PLXNA3: variants seen among roughly 807,000 people sequenced by gnomAD.
PLXNA3 encodes plexin A3, also known as plexin-A3.
In PLXNA3, 52 loss-of-function variants were observed where a neutral mutation model predicts 118.8. That is an observed-to-expected ratio of 0.44 (90% CI 0.35 to 0.55). The LOEUF (loss-of-function observed/expected upper bound fraction) is 0.55. PLXNA3 is among the 20% of genes least tolerant of loss of function. The pLI is 0.01. For synonymous variants in PLXNA3, 925 were observed against 762.4 expected, an observed-to-expected ratio of 1.21 and a Z score of -3.51; for missense variants, 1,660 against 1,730.8, an observed-to-expected ratio of 0.96 and a Z score of 0.73.
chrX:154,463,789 C>T, intron 6 of PLXNA3, 99 bp downstream of exon 6: 1 of 963,744 alleles, frequency 1.0e-6, no homozygotes, highest in Non-Finnish European at 1.4e-6. Context: ...CCCCGCCCTC[C>T]TCCACTTTCT....
In PLXNA3 at chrX:154,463,444, G is replaced by A. The variant is rs782714214; in HGVS notation, c.1371G>A (p.Val457=). Residue 457 remains valine (V), a synonymous_variant, in exon 5 of 33, where the codon GTG becomes GTA. Coordinates refer to ENST00000369682, the MANE Select transcript of PLXNA3 (RefSeq NM_017514.5). ...ACCTGTATGAGACAGTCCCCGTGGT[G>A]GATGGCAGCCCCATCCTCCGAGACC... ...DAHLYETVPV[V]DGSPILRDLL... 38 of 1,206,958 alleles carry A rather than the reference G, an allele frequency of 3.1e-5. No homozygotes were observed. The highest frequency in any genetic ancestry group is 2.2e-6 in the Non-Finnish European group (2 of 894,099).
At position 154,472,795 on chromosome X, in the gene PLXNA3, G is replaced by T; in HGVS notation, c.*110G>T. ...CGGGCTGAGCCCTGGATTGGGTATC[G>T]TGGGGCAGGTCACCCTGGCCACGAT... On this transcript the variant is annotated 3_prime_UTR_variant, in exon 33 of 33. Transcript: ENST00000369682. 1.8e-6 allele frequency: 1 copy of T among 557,190 alleles called. No homozygotes were observed. Among genetic ancestry groups the T allele is most frequent in the Non-Finnish European group, 3.1e-6 (1 of 320,600 alleles). The allele number at this position is 557,190 out of a possible 1,213,427, so 45.9% of individuals were successfully genotyped here.
rs903307680 is a variant in PLXNA3, at chrX:154,472,675, G to A, written c.5606G>A (p.Ser1869Asn). Residue 1869 changes from serine (S) to asparagine (N), a missense_variant, in exon 33 of 33, where the codon AGC becomes AAC. By Grantham distance (46) the Ser-to-Asn change is conservative. Transcript: ENST00000369682. ...KLEQIISLVS[S>N]DS is the part of the protein sequence containing the mutation. ...GAACAGATCATCAGCCTCGTGTCCA[G>A]CGACAGCTAAGGTGGTGGAATCGGT... The A allele has an allele frequency of 2.5e-6, 3 of 1,191,043 alleles. No individual in the cohort carries two copies. In the African/African-American group the frequency reaches 5.3e-5, roughly 21 times the overall value.
At chrX:154,464,918 G>A (rs782617972) in intron 10 of PLXNA3, 50 bp downstream of exon 10, 4 of 1,082,803 alleles carry the variant, frequency 3.7e-6, no homozygotes, top group Non-Finnish European at 5.0e-6. Context: ...TGCGGGCGGG[G>A]CCACCGGCTT....
chrX:154,466,546 A>T, intron 16 of PLXNA3, 34 bp downstream of exon 16: 1 of 1,196,574 alleles, frequency 8.4e-7, no homozygotes. Flanking sequence ...TGGGTTGGGC[A>T]TCGTGTGGGG....
In PLXNA3 at chrX:154,460,171, G is replaced by A. The variant is rs782095183; in HGVS notation, c.-13G>A. The stretch of plus-strand genomic sequence containing the variant: ...TCTCTCCCTAGGCCTGTCCCCAGGC[G>A]CGGCTGCCGGCCATGCCCTCTGTCT... On this transcript the variant is annotated 5_prime_UTR_variant, in exon 2 of 33. Coordinates refer to ENST00000369682, the MANE Select transcript of PLXNA3 (RefSeq NM_017514.5). The A allele has an allele frequency of 4.8e-5, 55 of 1,148,759 alleles. No homozygotes were observed. The highest frequency in any genetic ancestry group is 1.5e-4 in the East Asian group (5 of 33,529). The allele number at this position is 1,148,759 out of a possible 1,213,427, so 94.7% of individuals were successfully genotyped here. A position where few individuals can be genotyped will look rare whatever the true frequency, so the allele number is the denominator to read the frequency against.
At chrX:154,462,534 G>T (rs781905574) in intron 4 of PLXNA3, among the ~76,000 whole-genome samples, 7 of 112,368 alleles carry the variant, frequency 6.2e-5, no homozygotes, top group Non-Finnish European at 1.1e-4. Flanking sequence ...GGACTGAATT[G>T]CCAGCTTCGT....
In PLXNA3 at chrX:154,461,610, T is replaced by C. The variant is rs782495627; in HGVS notation, c.1106T>C (p.Leu369Pro). ...GEGTLALPWLLNKELPCINTP... is the reference protein window; with the variant it reads ...GEGTLALPWLPNKELPCINTP... ...GGCACTCTGGCTCTGCCCTGGCTGCTGAACAAGGAGCTGCCCTGCATCAAC... is the reference window on the plus strand; with the variant it reads ...GGCACTCTGGCTCTGCCCTGGCTGCCGAACAAGGAGCTGCCCTGCATCAAC... The change falls in exon 3 of 33, where the codon CTG becomes CCG. Residue 369 changes from leucine to proline, a missense_variant. By Grantham distance (98) the Leu-to-Pro change is moderately conservative. Around this residue, in one of 2 missense-constraint regions of PLXNA3, gnomAD observed 791 missense variants for 652.1 expected, o/e 1.21. Transcript: ENST00000369682. 1 of 1,199,193 alleles carries C rather than the reference T, an allele frequency of 8.3e-7. No individual in the cohort carries two copies. Among genetic ancestry groups the C allele is most frequent in the Non-Finnish European group, 1.1e-6 (1 of 892,807 alleles).
rs1557208843 is a variant in PLXNA3 at position 154,470,028 on chromosome X, C to T, written c.4847C>T (p.Pro1616Leu). The T allele has an allele frequency of 8.3e-7, 1 of 1,211,467 alleles. No homozygotes were observed. Among genetic ancestry groups the T allele is most frequent in the Non-Finnish European group, 1.1e-6 (1 of 895,448 alleles). Reference sequence around the variant, plus strand: ...CCTGATAGCCTCCGCTCACGGGCACCCATGATTACGCCTGACCAGGAGACA... The same window carrying T: ...CCTGATAGCCTCCGCTCACGGGCACTCATGATTACGCCTGACCAGGAGACA... The part of the protein sequence containing the change: ...SSPDSLRSRA[P>L]MITPDQETGT... The change falls in exon 29 of 33, where the codon CCC (proline) becomes CTC (leucine). Residue 1616 changes from proline (P) to leucine (L), a missense_variant. Transcript: ENST00000369682.
At position 154,467,490 on chromosome X, in the gene PLXNA3, C is replaced by T. The variant is rs371759517; in HGVS notation, c.3441+19C>T. 15 of 389,058 alleles carry T rather than the reference C, an allele frequency of 3.9e-5. No homozygotes were observed. Among genetic ancestry groups the T allele is most frequent in the African/African-American group, 2.9e-4 (9 of 31,068 alleles). 32.1% of individuals were successfully genotyped at this position (389,058 alleles called of 1,213,427 possible). ...GCTGAAGGTGCGGGCGGGGTGGGGG[C>T]GGGGAGGGGCGGGAAAGTGGAGAGT... On this transcript the variant is annotated intron_variant, in intron 19 of 32. Transcript: ENST00000369682.
chrX:154,467,811 C>A lies in PLXNA3; in HGVS notation c.3630C>A (p.Ile1210=). Residue 1210 remains isoleucine (I), a synonymous_variant, in exon 21 of 33, where the codon ATC becomes ATA. Coordinates refer to ENST00000369682, the MANE Select transcript of PLXNA3 (RefSeq NM_017514.5). ...GLEFWLGTLH[I]SAERALTLPA... is the part of the protein sequence containing the mutation. ...AGTTCTGGCTGGGCACCCTGCACAT[C>A]TCGGCAGAGCGGGCGCTGACCCTAC... 1 of 1,203,838 alleles carries A rather than the reference C, an allele frequency of 8.3e-7. No homozygotes were observed. The highest frequency in any genetic ancestry group is 1.7e-5 in the African/African-American group (1 of 57,713).
chrX:154,464,875 C>G lies in PLXNA3; in HGVS notation c.2043+7C>G. The G allele has an allele frequency of 8.6e-7, 1 of 1,158,495 alleles. No individual in the cohort carries two copies. The highest frequency in any genetic ancestry group is 1.2e-6 in the Non-Finnish European group (1 of 855,648). ...CAGGGTCCACAGCCCTGAGGTGAGG[C>G]GGGCGCCGCATGTGAGGGGCTGGGC... On this transcript the variant is annotated splice_region_variant and intron_variant, in intron 10 of 32. Coordinates refer to ENST00000369682, the MANE Select transcript of PLXNA3 (RefSeq NM_017514.5).
Position 154,477,709 on chromosome X carries a change from C to G in PLXNA3, c.*5024C>G, listed in dbSNP as rs1286200426. The G allele has an allele frequency of 3.2e-6, 1 of 312,613 alleles. No individual in the cohort carries two copies. Among genetic ancestry groups the G allele is most frequent in the East Asian group, 5.0e-5 (1 of 20,185 alleles). 25.8% of individuals were successfully genotyped at this position (312,613 alleles called of 1,213,427 possible). ...ATATCTGAATTCTAGAACCCCCCCC[C>G]CAGCAACCCAAGCACAACAAGAATA... On this transcript the variant is annotated 3_prime_UTR_variant, in exon 33 of 33. Coordinates refer to ENST00000369682, the MANE Select transcript of PLXNA3 (RefSeq NM_017514.5).
Position 154,465,176 on chromosome X carries a change from C to G in PLXNA3, c.2202C>G (p.Ala734=). 2.5e-6 allele frequency: 3 copies of G among 1,209,987 alleles called. No homozygotes were observed. Among genetic ancestry groups the G allele is most frequent in the Non-Finnish European group, 3.4e-6 (3 of 895,199 alleles). The change falls in exon 11 of 33, where the codon GCC becomes GCG. Residue 734 remains alanine (A), a synonymous_variant. Coordinates refer to ENST00000369682, the MANE Select transcript of PLXNA3 (RefSeq NM_017514.5). ...RVQGRQQRVP[A]VRFNSSSVQC... ...AGGGGCGGCAGCAGCGGGTGCCTGCCGTGCGCTTCAACAGCAGCAGTGTGC... is the reference window on the plus strand; with the variant it reads ...AGGGGCGGCAGCAGCGGGTGCCTGCGGTGCGCTTCAACAGCAGCAGTGTGC...
chrX:154,466,372 G>A lies in PLXNA3; in HGVS notation c.2800-4G>A, dbSNP rs374032775. The A allele has an allele frequency of 1.1e-4, 133 of 1,210,361 alleles. No homozygotes were observed. The African/African-American group carries it at 1.9e-3, about 17-fold the overall frequency. On this transcript the variant is annotated splice_region_variant and splice_polypyrimidine_tract_variant and intron_variant, in intron 15 of 32. Coordinates refer to ENST00000369682, the MANE Select transcript of PLXNA3 (RefSeq NM_017514.5). ...TCCTCCCCTCAGGGCAGCTTCTCCCGCAGACCCCAACGTTTGACCAAGTGA... is the reference window on the plus strand; with the variant it reads ...TCCTCCCCTCAGGGCAGCTTCTCCCACAGACCCCAACGTTTGACCAAGTGA...
Position 154,467,782 on chromosome X carries a change from C to T in PLXNA3, c.3601C>T (p.Leu1201=). 2 of 1,201,121 alleles carry T rather than the reference C, an allele frequency of 1.7e-6. No individual in the cohort carries two copies. Among genetic ancestry groups the T allele is most frequent in the Non-Finnish European group, 2.2e-6 (2 of 892,937 alleles). Residue 1201 remains leucine, a synonymous_variant, in exon 21 of 33, where the codon CTG becomes TTG. Transcript: ENST00000369682. ...GTCCCCACAGGTGCTGGTGGGTGGC[C>T]TGGAGTTCTGGCTGGGCACCCTGCA... is the stretch of plus-strand genomic sequence containing the variant. ...RQPVMVLVGG[L]EFWLGTLHIS... is the part of the protein sequence containing the mutation.
In PLXNA3 at chrX:154,470,576, C is replaced by T. The variant is rs144757857; in HGVS notation, c.5121C>T (p.Ser1707=). 2,740 of 1,210,308 alleles carry T rather than the reference C, an allele frequency of 2.3e-3. 9 individuals are homozygous for T. The highest frequency in any genetic ancestry group is 2.7e-3 in the Non-Finnish European group (2,417 of 895,041). ...AGCAGGCGGACCAGCGCCAGATCAG[C>T]GACCCCGATGTGCGCCACACCTGGA... ...LDEQADQRQI[S]DPDVRHTWKS... The change falls in exon 30 of 33, where the codon AGC becomes AGT. Residue 1707 remains serine, a synonymous_variant. Coordinates refer to ENST00000369682, the MANE Select transcript of PLXNA3 (RefSeq NM_017514.5).
chrX:154,460,030 G>T (rs782078230), intron 1 of PLXNA3, 127 bp from the exon 2 acceptor site: 3 of 441,018 alleles, frequency 6.8e-6, no homozygotes, highest in Non-Finnish European at 1.2e-5. Context: ...TCACTCATGC[G>T]CCCTGGCGGA....
intron 4 of PLXNA3, among the ~76,000 whole-genome samples, chrX:154,462,637 G>A (rs1368678430): frequency 8.9e-6 from 1 of 111,995 alleles, no homozygotes; most frequent in Non-Finnish European, 1.9e-5. Flanking sequence ...GTCCTCTGTT[G>A]AATGAACAAG....
Sources: allele counts gnomAD v4.1 joint callset (sites outside exome capture counted in the v4.1 genomes callset), GRCh38; gene constraint gnomAD v4.1.1; regional missense constraint gnomAD v4.1.1; transcripts MANE v1.5; gene names NCBI Gene and HGNC (gene_info 2026-07-23, HGNC 2026-07-21).